GRID1: variants seen among roughly 807,000 people sequenced by gnomAD.
GRID1 encodes glutamate receptor ionotropic, delta-1.
Under a neutral mutation model 98.0 loss-of-function variants are expected in GRID1, and 28 were observed. That is an observed-to-expected ratio of 0.29 (90% CI 0.21 to 0.39). The LOEUF is 0.39. Among genes scored for constraint, GRID1 ranks in the 10% least tolerant of loss-of-function variants. GRID1 has a pLI of 1.00. For missense variants in GRID1, 1,111 were observed against 1,340.5 expected (o/e 0.83, Z 2.67); for synonymous variants, 553 against 538.5 (o/e 1.03, Z -0.37).
Position 86,366,468 on chromosome 10 carries a change from C to T in GRID1, c.-76G>A. The T allele has an allele frequency of 9.3e-7, 1 of 1,073,316 alleles. No homozygotes were observed. The highest frequency in any genetic ancestry group is 1.3e-6 in the Non-Finnish European group (1 of 775,972). 66.5% of individuals were successfully genotyped at this position (1,073,316 alleles called of 1,614,324 possible). On this transcript the variant is annotated 5_prime_UTR_variant, in exon 1 of 16. Transcript: ENST00000327946. This position sits in a 1 kb window ranked among gnomAD's most constrained non-coding sequence, Gnocchi z 4.1. Reference sequence around the variant, plus strand: ...CAGCGCGAAGCGGGGAGGCGCTGGTCCCGGTGCAGTCCCGGGCCGCTCCCC... The same window carrying T: ...CAGCGCGAAGCGGGGAGGCGCTGGTTCCGGTGCAGTCCCGGGCCGCTCCCC...
At chr10:86,023,196 C>T (rs1843073121) in intron 4 of GRID1, among the ~76,000 whole-genome samples, 1 of 152,078 alleles carries the variant, frequency 6.6e-6, no homozygotes, top group Non-Finnish European at 1.5e-5. Context: ...AGAGACCCTG[C>T]CCCTTTCCAC....
chr10:86,078,269 T>G (rs968867839), intron 4 of GRID1, among the ~76,000 whole-genome samples: 1 of 152,266 alleles, frequency 6.6e-6, no homozygotes, highest in Admixed American at 6.5e-5. Context: ...TGGAACGATT[T>G]TAATGGACAA....
intron 2 of GRID1, among the ~76,000 whole-genome samples, chr10:86,214,342 G>A (rs534646302): frequency 2.5e-4 from 38 of 152,144 alleles, no homozygotes; most frequent in Non-Finnish European, 4.7e-4. Context: ...CTTCTGCTAC[G>A]TCTGTCTGGC....
intron 5 of GRID1, among the ~76,000 whole-genome samples, chr10:85,915,827 T>C (rs555468852): frequency 6.6e-6 from 1 of 152,246 alleles, no homozygotes; most frequent in African/African-American, 2.4e-5. Context: ...CCTCTCCTAC[T>C]CATTCCTTTG....
intron 4 of GRID1, among the ~76,000 whole-genome samples, chr10:86,125,351 G>A (rs72835269): frequency 0.08 from 12,161 of 152,202 alleles, 591 homozygotes; most frequent in South Asian, 0.21. Context: ...TAAGACCCAC[G>A]AACTGAAAGC....
intron 5 of GRID1, among the ~76,000 whole-genome samples, chr10:85,901,127 T>G (rs1038893188): frequency 1.1e-4 from 16 of 152,224 alleles, no homozygotes; most frequent in Admixed American, 2.6e-4. Flanking sequence ...CAGTGTGTTT[T>G]TATTTACTAA....
chr10:86,346,567 C>G (rs1194020330), intron 2 of GRID1, among the ~76,000 whole-genome samples: 1 of 152,238 alleles, frequency 6.6e-6, no homozygotes, highest in Non-Finnish European at 1.5e-5. Context: ...CTTTGCCTCA[C>G]AGTGCTAGGA....
intron 15 of GRID1, among the ~76,000 whole-genome samples, chr10:85,612,568 T>G (rs1842746124): frequency 6.6e-6 from 1 of 151,966 alleles, no homozygotes; most frequent in Admixed American, 6.6e-5. Context: ...AGAGCTGTGG[T>G]TCTAGACATA....
intron 8 of GRID1, among the ~76,000 whole-genome samples, chr10:85,746,593 T>C (rs1475854779): frequency 6.6e-6 from 1 of 152,112 alleles, no homozygotes; most frequent in Non-Finnish European, 1.5e-5. Flanking sequence ...AGCCACCATA[T>C]AAGAGATTCA....
chr10:86,347,022 G>T (rs1196642214), intron 2 of GRID1, among the ~76,000 whole-genome samples: 1 of 152,074 alleles, frequency 6.6e-6, no homozygotes, highest in Non-Finnish European at 1.5e-5. Flanking sequence ...CTGCGGGCTG[G>T]CACATGTCCC....
intron 4 of GRID1, among the ~76,000 whole-genome samples, chr10:85,917,114 G>T (rs1165762835): frequency 2.6e-5 from 4 of 152,194 alleles, no homozygotes; most frequent in Non-Finnish European, 4.4e-5. Context: ...AAAGCCAACA[G>T]ATTGGAAGAA....
intron 8 of GRID1, among the ~76,000 whole-genome samples, chr10:85,755,496 C>G (rs1842087909): frequency 6.6e-6 from 1 of 152,210 alleles, no homozygotes; most frequent in African/African-American, 2.4e-5. Context: ...TCACTTCTGC[C>G]ACATGCTAGT....
chr10:86,205,433 C>T (rs931865527), intron 3 of GRID1, among the ~76,000 whole-genome samples: 1 of 152,198 alleles, frequency 6.6e-6, no homozygotes, highest in African/African-American at 2.4e-5. Flanking sequence ...TCATAGGAAT[C>T]TACACATGTG....
intron 8 of GRID1, among the ~76,000 whole-genome samples, chr10:85,833,048 AC>A (rs1842882100): frequency 6.6e-6 from 1 of 151,702 alleles, no homozygotes; most frequent in Non-Finnish European, 1.5e-5. Context: ...AAGACTCCAC[AC>A]CCCCACTGAG....
At chr10:86,324,006 C>T (rs1269518550) in intron 2 of GRID1, among the ~76,000 whole-genome samples, 1 of 152,072 alleles carries the variant, frequency 6.6e-6, no homozygotes, top group Non-Finnish European at 1.5e-5. Flanking sequence ...TGGTGAAACC[C>T]CATCTCTACT....
intron 4 of GRID1, among the ~76,000 whole-genome samples, chr10:86,026,306 T>A (rs1285147088): frequency 3.9e-5 from 6 of 152,174 alleles, no homozygotes; most frequent in Non-Finnish European, 8.8e-5. Context: ...AGCGCAGAAA[T>A]GCTTGCTTTC....
At chr10:85,866,176 G>A (rs918836425) in intron 6 of GRID1, among the ~76,000 whole-genome samples, 6 of 150,830 alleles carry the variant, frequency 4.0e-5, no homozygotes, top group Admixed American at 4.0e-4. Flanking sequence ...GAGTACCCAT[G>A]GGAGAGATGT....
intron 12 of GRID1, among the ~76,000 whole-genome samples, chr10:85,705,801 T>A (rs1841509618): frequency 6.6e-6 from 1 of 152,138 alleles, no homozygotes; most frequent in African/African-American, 2.4e-5. Flanking sequence ...GCAAGGCTGG[T>A]TAAACATATG....
At chr10:86,124,170 C>T (rs1024497274) in intron 4 of GRID1, among the ~76,000 whole-genome samples, 1 of 152,196 alleles carries the variant, frequency 6.6e-6, no homozygotes, top group Admixed American at 6.5e-5. Context: ...AGAGACAACA[C>T]CTTAACCCTG....
Sources: gnomAD v4.1 joint callset for allele counts (sites outside exome capture counted in the v4.1 genomes callset) on GRCh38, gnomAD v4.1.1 for gene constraint, Gnocchi (gnomAD v3.1) non-coding constraint, MANE v1.5 for transcripts, NCBI Gene and HGNC (gene_info 2026-07-23, HGNC 2026-07-21) for gene names.